The following GIPC2 variants were observed in gnomAD, a reference collection of about 807,000 sequenced individuals.
The protein encoded by GIPC2 is PDZ domain-containing protein GIPC2.
In GIPC2, 30 loss-of-function variants were observed where a neutral mutation model predicts 30.6. The observed-to-expected ratio is 0.98, with a 90% CI of 0.73 to 1.33. The LOEUF (loss-of-function observed/expected upper bound fraction) is 1.33. Among genes scored for constraint, GIPC2 ranks in the 40% most tolerant of loss-of-function variants. The pLI is 0.00. For missense variants in GIPC2, 414 were observed against 390.3 expected (o/e 1.06, Z -0.51); for synonymous variants, 167 against 150.0 (o/e 1.11, Z -0.83).
intron 1 of GIPC2, among the ~76,000 whole-genome samples, chr1:78,051,777 G>A (rs559213359): frequency 5.9e-5 from 9 of 152,302 alleles, no homozygotes; most frequent in African/African-American, 2.2e-4. Flanking sequence ...TTACAGGCAT[G>A]AGCCACCGCA....
intron 1 of GIPC2, among the ~76,000 whole-genome samples, chr1:78,051,862 A>G (rs1661203964): frequency 6.6e-6 from 1 of 152,070 alleles, no homozygotes; most frequent in Admixed American, 6.5e-5. Flanking sequence ...TAAACAGACA[A>G]ACCTTCTTTT....
intron 1 of GIPC2, 151 bp downstream of exon 1, chr1:78,046,485 G>T: frequency 1.4e-6 from 1 of 719,370 alleles, no homozygotes; most frequent in Non-Finnish European, 2.3e-6. Context: ...CCGGGGGAAA[G>T]TGAGTGTGCC....
chr1:78,080,737 A>G lies in GIPC2; in HGVS notation c.303A>G (p.Leu101=), dbSNP rs776824551. The part of the protein sequence containing the change: ...IDMERLLGGQ[L]GLEDFIFAHV... ...TGGAAAGACTCTTAGGAGGACAACT[A>G]GGACTAGAAGATTTCATATTTGCCC... Residue 101 remains leucine (L), a synonymous_variant, in exon 2 of 6, where the codon CTA becomes CTG. Transcript: ENST00000370759. 6.2e-6 allele frequency: 10 copies of G among 1,608,756 alleles called. No individual in the cohort carries two copies. The highest frequency in any genetic ancestry group is 1.7e-5 in the Admixed American group (1 of 59,994).
In GIPC2 at chr1:78,122,727, A is replaced by G. The variant is rs546993701; in HGVS notation, c.715-3154A>G. 1.1e-4 allele frequency among the ~76,000 whole-genome samples: 17 copies of G among 152,350 alleles called. No homozygotes were observed. The South Asian group carries it at 3.3e-3, about 30-fold the overall frequency. On this transcript the variant is annotated intron_variant, in intron 4 of 5. Transcript: ENST00000370759. ...TTGGGTGGGCACACAGAGCCAAACC[A>G]TATCAATTCTCCACTTGCATAACCT...
In GIPC2 at chr1:78,075,299, T is replaced by TA. The variant is rs911431532; in HGVS notation, c.241-5369dup. ...GGTGAGACCATGTCTCTATGAAAAA[T>TA]AAAAAAATTAGCTGTGTTTGGTAGT... On this transcript the variant is annotated intron_variant, in intron 1 of 5. Coordinates refer to ENST00000370759, the MANE Select transcript of GIPC2 (RefSeq NM_017655.6). Among the ~76,000 whole-genome samples the TA allele has an allele frequency of 5.3e-5, 8 of 151,910 alleles. No homozygotes were observed. The South Asian group carries it at 1.5e-3, about 28-fold the overall frequency.
chr1:78,046,379 G>GCGCCGCGCCGCGCCT, intron 1 of GIPC2, 45 bp downstream of exon 1: 1 of 1,446,086 alleles, frequency 6.9e-7, no homozygotes. Flanking sequence ...CCGCCGCGCC[G>GCGCCGCGCCGCGCCT]CGCCGCGCCG....
intron 1 of GIPC2, among the ~76,000 whole-genome samples, chr1:78,075,130 C>T (rs910689376): frequency 1.6e-4 from 25 of 152,162 alleles, no homozygotes; most frequent in African/African-American, 6.0e-4. Context: ...CTTACTCAAA[C>T]TGGCTAAACC....
chr1:78,049,936 G>A (rs1403248915), intron 1 of GIPC2, among the ~76,000 whole-genome samples: 8 of 122,854 alleles, frequency 6.5e-5, no homozygotes, highest in South Asian at 2.7e-4. Context: ...TAGCTCTGTC[G>A]CCCAGGTTGA....
intron 1 of GIPC2, among the ~76,000 whole-genome samples, chr1:78,073,520 T>C (rs895149953): frequency 6.6e-6 from 1 of 152,156 alleles, no homozygotes; most frequent in African/African-American, 2.4e-5. Context: ...AGGGTAGTCA[T>C]ATAAAAATAA....
At chr1:78,119,246 C>T (rs1028646711) in intron 3 of GIPC2, 147 bp from the exon 4 acceptor site, 24 of 531,768 alleles carry the variant, frequency 4.5e-5, no homozygotes, top group Middle Eastern at 3.7e-4. Context: ...TATTTTGCTT[C>T]GGGAAATTCT....
chr1:78,058,262 C>T (rs1224749575), intron 1 of GIPC2, among the ~76,000 whole-genome samples: 2 of 152,046 alleles, frequency 1.3e-5, no homozygotes, highest in Non-Finnish European at 2.9e-5. Flanking sequence ...AAAAGGTTGT[C>T]GTGAGGGGTA....
At chr1:78,063,413 A>G in intron 1 of GIPC2, among the ~76,000 whole-genome samples, 1 of 151,638 alleles carries the variant, frequency 6.6e-6, no homozygotes. Context: ...AATTGCTTGA[A>G]CCTGGGAAAT....
At chr1:78,051,164 C>G (rs1661190971) in intron 1 of GIPC2, among the ~76,000 whole-genome samples, 1 of 150,580 alleles carries the variant, frequency 6.6e-6, no homozygotes. Context: ...CCACTTTGCT[C>G]AATACATTCA....
intron 1 of GIPC2, among the ~76,000 whole-genome samples, chr1:78,076,128 C>T (rs980405292): frequency 6.6e-6 from 1 of 152,154 alleles, no homozygotes; most frequent in African/African-American, 2.4e-5. Context: ...TTTTCTTGGC[C>T]TAAATTGGTA....
chr1:78,132,665 A>ATGTGTGTGTGTGTGTGTGTGTG (rs61463492), intron 5 of GIPC2, among the ~76,000 whole-genome samples: 5 of 142,608 alleles, frequency 3.5e-5, no homozygotes, highest in Non-Finnish European at 7.6e-5. Context: ...ATAGCCAAGG[A>ATGTGTGTGTGTGTGTGTGTGTG]TGTGTGTGTG....
chr1:78,129,634 C>A lies in GIPC2; in HGVS notation c.796+3672C>A, dbSNP rs549416573. Among the ~76,000 whole-genome samples, 18 of 152,184 alleles carry A rather than the reference C, an allele frequency of 1.2e-4. No homozygotes were observed. In the South Asian group the frequency reaches 3.5e-3, roughly 30 times the overall value. On this transcript the variant is annotated intron_variant, in intron 5 of 5. Coordinates refer to ENST00000370759, the MANE Select transcript of GIPC2 (RefSeq NM_017655.6). ...TTTGATTGTAAAGTTAAGTTGTGAA[C>A]GATGACTTTTCTACCAGCCAGTGTC...
In GIPC2 at chr1:78,096,553, G is replaced by C. The variant is rs559873668; in HGVS notation, c.607+1421G>C. ...TTTGGTCCTCATGTCTTTGTAGAAA[G>C]TTATTGATATACCTTAACTTGGATG... On this transcript the variant is annotated intron_variant, in intron 3 of 5. Transcript: ENST00000370759. 2.0e-5 allele frequency among the ~76,000 whole-genome samples: 3 copies of C among 149,742 alleles called. 1 individual carries two copies. The highest frequency in any genetic ancestry group is 7.4e-5 in the African/African-American group (3 of 40,500).
intron 3 of GIPC2, among the ~76,000 whole-genome samples, chr1:78,098,218 G>T (rs769251783): frequency 1.3e-5 from 2 of 152,090 alleles, no homozygotes; most frequent in Non-Finnish European, 1.5e-5. Flanking sequence ...TTATTTTTCT[G>T]CTATGAGTTG....
chr1:78,050,018 T>A (rs183406711), intron 1 of GIPC2, among the ~76,000 whole-genome samples: 9 of 149,158 alleles, frequency 6.0e-5, no homozygotes, highest in African/African-American at 2.2e-4. Flanking sequence ...TGCCTCAGCC[T>A]CCTGAATAGC....
Sources: gnomAD v4.1 joint callset for allele counts (sites outside exome capture counted in the v4.1 genomes callset) on GRCh38, gnomAD v4.1.1 for gene constraint, MANE v1.5 for transcripts, NCBI Gene and HGNC (gene_info 2026-07-23, HGNC 2026-07-21) for gene names.